The following SLC5A1 variants were observed in gnomAD, a reference collection of about 807,000 sequenced individuals.
SLC5A1 encodes sodium/glucose cotransporter 1.
A neutral mutation model predicts 73.5 loss-of-function variants in SLC5A1; 42 were observed. The observed-to-expected ratio is 0.57, with a 90% CI of 0.45 to 0.74. SLC5A1 has a LOEUF of 0.74. Ranked by LOEUF, SLC5A1 falls within the 30% of genes least tolerant of loss-of-function variation. The pLI, the probability that SLC5A1 is intolerant of heterozygous loss-of-function variation, is 0.00. For synonymous variants in SLC5A1, 300 were observed against 317.4 expected, an observed-to-expected ratio of 0.95 and a Z score of 0.58; for missense variants, 634 against 855.4, an observed-to-expected ratio of 0.74 and a Z score of 3.23.
At chr22:32,108,249 T>C (rs1018236246) in intron 14 of SLC5A1, among the ~76,000 whole-genome samples, 6 of 151,846 alleles carry the variant, frequency 4.0e-5, no homozygotes, top group African/African-American at 1.5e-4. Flanking sequence ...TGGGACTACA[T>C]GCCACCATGC....
At chr22:32,061,443 T>C (rs2093962832) in intron 2 of SLC5A1, among the ~76,000 whole-genome samples, 2 of 150,630 alleles carry the variant, frequency 1.3e-5, no homozygotes, top group African/African-American at 4.9e-5. Flanking sequence ...TAGGGAGAAA[T>C]GATTTTGCCT....
rs1227945326 is a variant in SLC5A1 at position 32,102,055 on chromosome 22, A to T, written c.1483A>T (p.Ile495Phe). Reference protein sequence around the residue: ...AFWGLILGLLIGISRMITEFA... With the variant: ...AFWGLILGLLFGISRMITEFA... ...TTGGGGACTGATCCTAGGACTTCTG[A>T]TTGGGATTTCACGTATGATTACTGA... The change falls in exon 13 of 15, where the codon ATT (isoleucine) becomes TTT (phenylalanine). Residue 495 changes from isoleucine to phenylalanine, a missense_variant. Coordinates refer to ENST00000266088, the MANE Select transcript of SLC5A1 (RefSeq NM_000343.4). 6.2e-7 allele frequency: 1 copy of T among 1,614,018 alleles called. No homozygotes were observed. The highest frequency in any genetic ancestry group is 8.5e-7 in the Non-Finnish European group (1 of 1,179,988).
intron 1 of SLC5A1, among the ~76,000 whole-genome samples, chr22:32,045,563 T>C (rs1052251652): frequency 1.3e-5 from 2 of 152,178 alleles, no homozygotes; most frequent in East Asian, 1.9e-4. Context: ...TCCAGGCCCA[T>C]TGTGTTTCTT....
intron 14 of SLC5A1, among the ~76,000 whole-genome samples, chr22:32,108,864 C>A (rs1240142152): frequency 1.3e-5 from 2 of 152,122 alleles, no homozygotes; most frequent in Non-Finnish European, 2.9e-5. Flanking sequence ...TTCTAAAATT[C>A]TGTGATGTTT....
intron 8 of SLC5A1, 58 bp from the exon 9 acceptor site, chr22:32,084,842 C>A: frequency 6.2e-7 from 1 of 1,610,564 alleles, no homozygotes; most frequent in Non-Finnish European, 8.5e-7. Flanking sequence ...CTAGGAAGTA[C>A]AAAGGTGTCA....
intron 14 of SLC5A1, among the ~76,000 whole-genome samples, chr22:32,107,183 CA>C (rs1238226516): frequency 3.3e-5 from 5 of 152,178 alleles, no homozygotes; most frequent in Admixed American, 3.3e-4. Flanking sequence ...GGCAGGCAGG[CA>C]GGAACATGCC....
chr22:32,064,368 C>T (rs376689226), intron 2 of SLC5A1, among the ~76,000 whole-genome samples: 37 of 152,016 alleles, frequency 2.4e-4, no homozygotes, highest in South Asian at 1.2e-3. Context: ...TGGTGGTGCG[C>T]GCCTGTAGTC....
chr22:32,045,310 A>G (rs2093935743), intron 1 of SLC5A1, among the ~76,000 whole-genome samples: 1 of 152,242 alleles, frequency 6.6e-6, no homozygotes, highest in Admixed American at 6.5e-5. Context: ...TGGTGTTTAC[A>G]TGTTTCAAGT....
At chr22:32,096,517 G>C (rs2094026531) in intron 11 of SLC5A1, among the ~76,000 whole-genome samples, 1 of 152,224 alleles carries the variant, frequency 6.6e-6, no homozygotes, top group Non-Finnish European at 1.5e-5. Context: ...ACATTCTGCA[G>C]AACGATTGTG....
intron 7 of SLC5A1, 24 bp from the exon 8 acceptor site, chr22:32,084,415 C>A: frequency 6.2e-7 from 1 of 1,600,250 alleles, no homozygotes; most frequent in South Asian, 1.1e-5. Flanking sequence ...TCAGAATGTT[C>A]ATTTCTGTAC....
At chr22:32,091,787 CA>C in intron 11 of SLC5A1, 25 bp downstream of exon 11, 1 of 1,612,966 alleles carries the variant, frequency 6.2e-7, no homozygotes, top group Non-Finnish European at 8.5e-7. Context: ...CCCCAAGCCA[CA>C]AAAGCTTGAA....
chr22:32,048,620 C>T (rs2093940255), intron 1 of SLC5A1, among the ~76,000 whole-genome samples: 1 of 152,158 alleles, frequency 6.6e-6, no homozygotes. Flanking sequence ...ACCTCTAGAT[C>T]TGCTGTTTCT....
chr22:32,068,667 T>C, intron 5 of SLC5A1, 67 bp downstream of exon 5: 1 of 1,098,624 alleles, frequency 9.1e-7, no homozygotes, highest in Admixed American at 1.7e-5. Context: ...CATCACATGC[T>C]GCCCACCAAG....
intron 2 of SLC5A1, among the ~76,000 whole-genome samples, chr22:32,064,487 C>T (rs1037728807): frequency 1.3e-5 from 2 of 151,190 alleles, no homozygotes; most frequent in African/African-American, 2.4e-5. Flanking sequence ...AGGAATAAAA[C>T]CCTGTCTTAG....
chr22:32,095,177 C>A lies in SLC5A1; in HGVS notation c.1280+3415C>A, dbSNP rs917172726. On this transcript the variant is annotated intron_variant, in intron 11 of 14. Coordinates refer to ENST00000266088, the MANE Select transcript of SLC5A1 (RefSeq NM_000343.4). ...GAAGGTTCCCTTTGAAGTTGATTTC[C>A]AGTTTTATTCCACTGTGGTCTGAGA... is the stretch of plus-strand genomic sequence containing the variant. 2.6e-5 allele frequency among the ~76,000 whole-genome samples: 4 copies of A among 152,186 alleles called. No homozygotes were observed. The South Asian group carries it at 6.2e-4, about 24-fold the overall frequency.
At chr22:32,065,636 AGTGCTTAACAC>A (rs2093971539) in intron 2 of SLC5A1, among the ~76,000 whole-genome samples, 1 of 152,236 alleles carries the variant, frequency 6.6e-6, no homozygotes, top group Admixed American at 6.5e-5. Context: ...AGCTGTTATT[AGTGCTTAACAC>A]GTGTAGTAGA....
intron 14 of SLC5A1, among the ~76,000 whole-genome samples, chr22:32,109,026 G>C (rs1051156349): frequency 2.0e-5 from 3 of 152,036 alleles, no homozygotes; most frequent in African/African-American, 7.2e-5. Flanking sequence ...AATTTAACTG[G>C]ACATGGTGGC....
intron 11 of SLC5A1, among the ~76,000 whole-genome samples, chr22:32,092,145 T>C (rs1177325034): frequency 1.3e-5 from 2 of 152,134 alleles, no homozygotes; most frequent in South Asian, 2.1e-4. Flanking sequence ...ATCATTCTTA[T>C]GCCTTTGCAA....
At position 32,112,669 on chromosome 22, in the gene SLC5A1, T is replaced by G. The variant is rs1267474238; in HGVS notation, c.*2456T>G. The G allele has an allele frequency of 6.6e-6, 1 of 152,120 alleles. No homozygotes were observed. Among genetic ancestry groups the G allele is most frequent in the Non-Finnish European group, 1.5e-5 (1 of 68,034 alleles). 9.4% of individuals were successfully genotyped at this position (152,120 alleles called of 1,614,324 possible). On this transcript the variant is annotated 3_prime_UTR_variant, in exon 15 of 15. Transcript: ENST00000266088. ...CAAATACCACATGATCTCACTGATA[T>G]GTAGAATCTTAAAAAGTCAAACTCA...
Sources: gnomAD v4.1 joint callset for allele counts (sites outside exome capture counted in the v4.1 genomes callset) on GRCh38, gnomAD v4.1.1 for gene constraint, MANE v1.5 for transcripts, NCBI Gene and HGNC (gene_info 2026-07-23, HGNC 2026-07-21) for gene names.